Variants in TTC39B observed in about 807,000 individuals in gnomAD.
TTC39B encodes the protein tetratricopeptide repeat protein 39B.
Under a neutral mutation model 96.6 loss-of-function variants are expected in TTC39B, and 92 were observed. The ratio of observed to expected loss-of-function variants is 0.95; its 90% CI spans 0.80 to 1.13. The LOEUF is 1.13. Among genes scored for constraint, TTC39B ranks in the 50% most tolerant of loss-of-function variants. The pLI is 0.00. For missense variants in TTC39B, 955 were observed against 809.3 expected (o/e 1.18, Z -2.18); for synonymous variants, 367 against 299.4 (o/e 1.23, Z -2.33).
At chr9:15,211,495 T>C in intron 4 of TTC39B, 98 bp from the exon 5 acceptor site, 1 of 1,092,152 alleles carries the variant, frequency 9.2e-7, no homozygotes. Flanking sequence ...ACAGTAACCT[T>C]TATTCCTTCA....
exon 5 of TTC39B, chr9:15,211,361 A>G (rs1212992715): frequency 1.3e-6 from 2 of 1,594,874 alleles, no homozygotes; most frequent in Admixed American, 1.8e-5. Context: ...CCACAATGGT[A>G]CTGTAGCCCA....
chr9:15,242,748 A>G (rs1211861013), intron 2 of TTC39B, among the ~76,000 whole-genome samples: 1 of 152,258 alleles, frequency 6.6e-6, no homozygotes, highest in Non-Finnish European at 1.5e-5. Flanking sequence ...ATGTATATAC[A>G]TAGAATAATA....
chr9:15,234,468 G>T (rs1246095043), intron 2 of TTC39B, among the ~76,000 whole-genome samples: 1 of 149,410 alleles, frequency 6.7e-6, no homozygotes, highest in Non-Finnish European at 1.5e-5. Context: ...GCCTCTGCCC[G>T]GCCGCCCCTG....
intron 2 of TTC39B, among the ~76,000 whole-genome samples, chr9:15,254,346 C>T (rs1586963658): frequency 6.6e-6 from 1 of 151,390 alleles, no homozygotes. Flanking sequence ...TTAAGGTAGC[C>T]ATTGTGAGAC....
At chr9:15,186,168 A>G (rs553216359) in intron 15 of TTC39B, among the ~76,000 whole-genome samples, 64 of 152,350 alleles carry the variant, frequency 4.2e-4, no homozygotes, top group African/African-American at 1.4e-3. Context: ...AAGAAAAAAT[A>G]ACATGAAATA....
chr9:15,243,354 G>A (rs1225789866), intron 2 of TTC39B, among the ~76,000 whole-genome samples: 6 of 152,164 alleles, frequency 3.9e-5, no homozygotes, highest in African/African-American at 9.7e-5. Flanking sequence ...CCTCAATGGG[G>A]ATGAAAGTTC....
chr9:15,269,571 T>A (rs1454427764), intron 1 of TTC39B, among the ~76,000 whole-genome samples: 1 of 152,106 alleles, frequency 6.6e-6, no homozygotes, highest in African/African-American at 2.4e-5. Context: ...AAGAAGAACC[T>A]GGCCAGGCGC....
chr9:15,195,506 C>A (rs1429725447), intron 8 of TTC39B, among the ~76,000 whole-genome samples: 1 of 151,786 alleles, frequency 6.6e-6, no homozygotes, highest in Non-Finnish European at 1.5e-5. Flanking sequence ...CTTGCCTCTA[C>A]TAAAAATACA....
At chr9:15,249,309 T>C (rs1822425717) in intron 2 of TTC39B, 1 of 152,148 alleles carries the variant, frequency 6.6e-6, no homozygotes, top group Admixed American at 6.5e-5. Context: ...AAGGTGGCCA[T>C]ACAAAGGTCA....
chr9:15,163,634 TA>T (rs1251876503), exon 20 of TTC39B: 4 of 152,222 alleles, frequency 2.6e-5, no homozygotes, highest in African/African-American at 9.6e-5. Context: ...CCATCAAATG[TA>T]ATTTATTTAA....
chr9:15,287,969 A>AAAAAAAC (rs1554633425), intron 1 of TTC39B, among the ~76,000 whole-genome samples: 1 of 111,090 alleles, frequency 9.0e-6, no homozygotes, highest in Non-Finnish European at 1.8e-5. Flanking sequence ...AAAAAAAAAA[A>AAAAAAAC]CATAAAAAAA....
chr9:15,242,498 G>A (rs560035563), intron 2 of TTC39B, among the ~76,000 whole-genome samples: 1 of 152,132 alleles, frequency 6.6e-6, no homozygotes, highest in Non-Finnish European at 1.5e-5. Flanking sequence ...CGGGAGGATC[G>A]CTTGAAACAG....
At chr9:15,228,917 T>C (rs1260819400) in intron 2 of TTC39B, among the ~76,000 whole-genome samples, 1 of 152,250 alleles carries the variant, frequency 6.6e-6, no homozygotes, top group East Asian at 1.9e-4. Context: ...AAAGATTAGA[T>C]TCAGATTCTT....
At chr9:15,187,398 AT>A (rs1818590904) in intron 14 of TTC39B, among the ~76,000 whole-genome samples, 1 of 152,326 alleles carries the variant, frequency 6.6e-6, no homozygotes, top group African/African-American at 2.4e-5. Flanking sequence ...TATCAACATG[AT>A]TAAGATTTCA....
At chr9:15,177,850 G>C (rs755457800) in intron 17 of TTC39B, 36 bp from the exon 18 acceptor site, 7,942 of 649,506 alleles carry the variant, frequency 0.012, no homozygotes, top group Non-Finnish European at 0.019. Context: ...AACACACAAA[G>C]AAAAATACTT....
intron 2 of TTC39B, among the ~76,000 whole-genome samples, chr9:15,234,526 G>T (rs1821671560): frequency 6.6e-6 from 1 of 151,794 alleles, no homozygotes. Flanking sequence ...CGTCTGGGAG[G>T]TGTACCCAAC....
At chr9:15,167,024 A>ATTTTTTTTTT (rs1564299983) in exon 20 of TTC39B, 1 of 11,624 alleles carries the variant, frequency 8.6e-5, no homozygotes, top group Non-Finnish European at 1.4e-4. Flanking sequence ...ATATATATAT[A>ATTTTTTTTTT]TATATTTTTT....
chr9:15,248,176 G>A (rs773298621), intron 2 of TTC39B, among the ~76,000 whole-genome samples: 3 of 152,178 alleles, frequency 2.0e-5, no homozygotes, highest in Non-Finnish European at 4.4e-5. Flanking sequence ...GGAAATTGAT[G>A]ACAGAACATT....
intron 2 of TTC39B, among the ~76,000 whole-genome samples, chr9:15,234,944 G>A (rs903592986): frequency 6.6e-6 from 1 of 151,448 alleles, no homozygotes; most frequent in Admixed American, 6.6e-5. Flanking sequence ...TTGTTCACTT[G>A]TTTATCTGCT....
Sources: gnomAD v4.1 joint callset for allele counts (sites outside exome capture counted in the v4.1 genomes callset) on GRCh38, gnomAD v4.1.1 for gene constraint, MANE v1.5 for transcripts, NCBI Gene and HGNC (gene_info 2026-07-23, HGNC 2026-07-21) for gene names.